Variants in RORB observed in about 807,000 individuals in gnomAD.
The protein encoded by RORB is RAR related orphan receptor B, also known as nuclear receptor ROR-beta.
RORB carries 6 observed loss-of-function variants against 59.1 expected under a neutral mutation model. The ratio of observed to expected loss-of-function variants is 0.10; its 90% CI spans 0.06 to 0.20. RORB has a LOEUF of 0.20. Ranked by LOEUF, RORB falls within the 10% of genes least tolerant of loss-of-function variation. The pLI is 1.00. For synonymous variants in RORB, 215 were observed against 204.5 expected (o/e 1.05, Z -0.44); for missense variants, 320 against 560.5 (o/e 0.57, Z 4.33).
chr9:74,619,001 A>G (rs187305170), intron 1 of RORB, among the ~76,000 whole-genome samples: 8 of 152,324 alleles, frequency 5.3e-5, no homozygotes, highest in Admixed American at 3.3e-4. Flanking sequence ...GCAATTTCAT[A>G]TGATTCGACT....
intron 1 of RORB, among the ~76,000 whole-genome samples, chr9:74,582,421 G>A (rs919098140): frequency 2.0e-5 from 3 of 152,168 alleles, no homozygotes; most frequent in African/African-American, 7.2e-5. Flanking sequence ...CATGCCCTAG[G>A]AATGGCAGAT....
In RORB at chr9:74,671,875, C is replaced by A; in HGVS notation, c.1198C>A (p.His400Asn). Residue 400 changes from histidine (H) to asparagine (N), a missense_variant, in exon 9 of 10, where the codon CAC becomes AAC. By Grantham distance (68) the His-to-Asn change is moderately conservative (BLOSUM62 1). Around this residue, in one of 4 missense-constraint regions of RORB, gnomAD observed 109 missense variants for 171.0 expected, o/e 0.64. Transcript: ENST00000376896. ...FALQHVIQKNHLDDETLAKLI... is the reference protein window; with the variant it reads ...FALQHVIQKNNLDDETLAKLI... The stretch of plus-strand genomic sequence containing the variant: ...ACTTCAACATGTGATTCAGAAGAAT[C>A]ACCTGGATGATGAGACCTTGGCAAA... The A allele has an allele frequency of 6.2e-7, 1 of 1,609,612 alleles. No individual in the cohort carries two copies. Among genetic ancestry groups the A allele is most frequent in the South Asian group, 1.1e-5 (1 of 90,518 alleles).
At chr9:74,603,724 G>T (rs1413311106) in intron 1 of RORB, among the ~76,000 whole-genome samples, 1 of 152,204 alleles carries the variant, frequency 6.6e-6, no homozygotes, top group East Asian at 1.9e-4. Context: ...AAATGAACAT[G>T]TTATTAGATA....
At chr9:74,504,477 A>G (rs1825842331) in intron 1 of RORB, among the ~76,000 whole-genome samples, 1 of 152,076 alleles carries the variant, frequency 6.6e-6, no homozygotes. Context: ...ATCTTACTCA[A>G]AAATATGCTC....
At chr9:74,498,130 A>G in intron 1 of RORB, 147 bp downstream of exon 1, 1 of 878,860 alleles carries the variant, frequency 1.1e-6, no homozygotes, top group Non-Finnish European at 1.8e-6. Flanking sequence ...GTGGGGCTGC[A>G]AATGGCCTGG....
chr9:74,506,456 G>A (rs967263140), intron 1 of RORB, among the ~76,000 whole-genome samples: 6 of 152,114 alleles, frequency 3.9e-5, no homozygotes, highest in African/African-American at 1.4e-4. Context: ...TGATCAGGCT[G>A]AAAAAAGTGT....
At chr9:74,536,255 C>T (rs2118117401) in intron 1 of RORB, among the ~76,000 whole-genome samples, 1 of 151,736 alleles carries the variant, frequency 6.6e-6, no homozygotes, top group Middle Eastern at 3.4e-3. Context: ...GGCTAAAATA[C>T]TGCATTAAAA....
intron 6 of RORB, 68 bp downstream of exon 6, chr9:74,662,674 G>A (rs2118517074): frequency 6.5e-7 from 1 of 1,532,992 alleles, no homozygotes; most frequent in Admixed American, 1.7e-5. Flanking sequence ...CACTGTGTTG[G>A]TTCTAGAAAA....
At position 74,497,902 on chromosome 9, in the gene RORB, C is replaced by A; in HGVS notation, c.-75C>A. On this transcript the variant is annotated 5_prime_UTR_variant, in exon 1 of 10. Coordinates refer to ENST00000376896, the MANE Select transcript of RORB (RefSeq NM_006914.4). Reference sequence around the variant, plus strand: ...GACCACCTTCTTCACTCGTGCTGAGCGGGATTTTTGGGCTCTCCGGGGTTC... The same window carrying A: ...GACCACCTTCTTCACTCGTGCTGAGAGGGATTTTTGGGCTCTCCGGGGTTC... 2 of 1,574,236 alleles carry A rather than the reference C, an allele frequency of 1.3e-6. No individual in the cohort carries two copies. Among genetic ancestry groups the A allele is most frequent in the East Asian group, 2.3e-5 (1 of 43,992 alleles).
intron 1 of RORB, among the ~76,000 whole-genome samples, chr9:74,622,062 C>T (rs1042014817): frequency 6.6e-6 from 1 of 151,450 alleles, no homozygotes; most frequent in Non-Finnish European, 1.5e-5. Context: ...TTTTCTGAAA[C>T]GATATATTTT....
chr9:74,503,966 C>A (rs1305934443), intron 1 of RORB, among the ~76,000 whole-genome samples: 2 of 151,992 alleles, frequency 1.3e-5, no homozygotes, highest in African/African-American at 4.8e-5. Context: ...CATATAATAA[C>A]CATGTGGTTA....
At chr9:74,644,583 G>A (rs1392051798) in intron 4 of RORB, among the ~76,000 whole-genome samples, 1 of 152,120 alleles carries the variant, frequency 6.6e-6, no homozygotes, top group African/African-American at 2.4e-5. Context: ...CCTGCCATGG[G>A]TCTCAATTCA....
At chr9:74,606,793 T>C (rs1401316598) in intron 1 of RORB, among the ~76,000 whole-genome samples, 2 of 152,206 alleles carry the variant, frequency 1.3e-5, no homozygotes, top group African/African-American at 4.8e-5. Context: ...TAAATGAGTA[T>C]ATGTTGTTGG....
chr9:74,502,534 T>A (rs1046712073), intron 1 of RORB, among the ~76,000 whole-genome samples: 7 of 152,106 alleles, frequency 4.6e-5, no homozygotes, highest in African/African-American at 1.7e-4. Flanking sequence ...TCACAGCGTA[T>A]TACTAGATTA....
At chr9:74,503,146 A>AT (rs1485618824) in intron 1 of RORB, among the ~76,000 whole-genome samples, 2 of 152,082 alleles carry the variant, frequency 1.3e-5, no homozygotes, top group Non-Finnish European at 2.9e-5. Flanking sequence ...AAGCTGACTA[A>AT]TGAAATAAGT....
chr9:74,638,710 A>G (rs10512037), intron 3 of RORB, among the ~76,000 whole-genome samples: 13,228 of 152,270 alleles, frequency 0.087, 975 homozygotes, highest in East Asian at 0.44. Flanking sequence ...TATGTCAAGA[A>G]AGTCAGTAGG....
At chr9:74,588,662 T>C (rs1480462861) in intron 1 of RORB, among the ~76,000 whole-genome samples, 2 of 152,220 alleles carry the variant, frequency 1.3e-5, no homozygotes, top group Non-Finnish European at 2.9e-5. Context: ...GAAAGTAAGA[T>C]AAAAACATTT....
intron 1 of RORB, among the ~76,000 whole-genome samples, chr9:74,520,795 C>T (rs1374106477): frequency 6.6e-6 from 1 of 151,752 alleles, no homozygotes; most frequent in Non-Finnish European, 1.5e-5. Flanking sequence ...TGCATCTTGC[C>T]TGATAATGAG....
At chr9:74,612,577 T>C (rs2118361552) in intron 1 of RORB, among the ~76,000 whole-genome samples, 1 of 152,328 alleles carries the variant, frequency 6.6e-6, no homozygotes, top group South Asian at 2.1e-4. Flanking sequence ...AAGCATACTC[T>C]GTGCTATTAA....
Sources: gnomAD v4.1 joint callset for allele counts (sites outside exome capture counted in the v4.1 genomes callset) on GRCh38, gnomAD v4.1.1 for gene constraint, gnomAD v4.1.1 regional missense constraint, MANE v1.5 for transcripts, NCBI Gene and HGNC (gene_info 2026-07-23, HGNC 2026-07-21) for gene names.